NHEJ1: variants seen among roughly 807,000 people sequenced by gnomAD.
NHEJ1 encodes the protein non-homologous end-joining factor 1.
NHEJ1 carries 22 observed loss-of-function variants against 39.4 expected under a neutral mutation model. The observed-to-expected ratio is 0.56, with a 90% CI of 0.40 to 0.80. The LOEUF (loss-of-function observed/expected upper bound fraction) is 0.80, where lower values mean the gene tolerates loss of function less well. NHEJ1 is among the 30% of genes least tolerant of loss of function. The probability of loss-of-function intolerance (pLI) is 0.00; values close to 1 mark genes in which losing one functional copy is unlikely to be tolerated. For missense variants in NHEJ1, 329 were observed against 357.1 expected, an observed-to-expected ratio of 0.92 and a Z score of 0.63; for synonymous variants, 154 against 135.6, an observed-to-expected ratio of 1.14 and a Z score of -0.94.
chr2:219,106,919 T>A (rs1949319217), intron 5 of NHEJ1, among the ~76,000 whole-genome samples: 1 of 152,214 alleles, frequency 6.6e-6, no homozygotes, highest in South Asian at 2.1e-4. Flanking sequence ...CCTCTCAAAC[T>A]GGCATTTGCT....
chr2:219,155,978 G>A (rs374307849), intron 3 of NHEJ1, among the ~76,000 whole-genome samples: 11 of 144,130 alleles, frequency 7.6e-5, no homozygotes, highest in East Asian at 6.4e-4. Flanking sequence ...GGCCGGGTGC[G>A]GTGGCTCACA....
intron 5 of NHEJ1, among the ~76,000 whole-genome samples, chr2:219,094,340 A>G (rs1949187212): frequency 6.6e-6 from 1 of 152,226 alleles, no homozygotes; most frequent in Non-Finnish European, 1.5e-5. Flanking sequence ...CACTCAGAGC[A>G]GGAGTCTGGC....
chr2:219,127,913 C>T (rs897618062), intron 5 of NHEJ1, among the ~76,000 whole-genome samples: 1 of 152,128 alleles, frequency 6.6e-6, no homozygotes, highest in East Asian at 1.9e-4. Flanking sequence ...GAAAATAAAC[C>T]TTTAGTCCAA....
At chr2:219,089,123 C>A (rs1037469866) in intron 5 of NHEJ1, among the ~76,000 whole-genome samples, 1 of 152,140 alleles carries the variant, frequency 6.6e-6, no homozygotes. Context: ...CCAGCCTATA[C>A]TTCAATTTTA....
In NHEJ1 at chr2:219,077,473, T is replaced by C. The variant is rs563180713; in HGVS notation, c.707-109A>G. The C allele has an allele frequency of 4.5e-6, 4 of 893,758 alleles. No individual in the cohort carries two copies. In the African/African-American group the frequency reaches 4.9e-5, roughly 11 times the overall value. The allele number at this position is 893,758 out of a possible 1,614,324, so 55.4% of individuals were successfully genotyped here. ...TAAAGGCCAGGGTTTGGTACAAATATATAAGCAGACAGAAGTAGCCACAAG... is the reference window on the plus strand; with the variant it reads ...TAAAGGCCAGGGTTTGGTACAAATACATAAGCAGACAGAAGTAGCCACAAG... On this transcript the variant is annotated intron_variant, in intron 6 of 7. Transcript: ENST00000356853.
In NHEJ1 at chr2:219,143,838, G is replaced by A. The variant is rs1949712171; in HGVS notation, c.588+2842C>T. On this transcript the variant is annotated intron_variant, in intron 5 of 7. Coordinates refer to ENST00000356853, the MANE Select transcript of NHEJ1 (RefSeq NM_024782.3). ...ACGATGAGCCTCTAATTTTATAAAT[G>A]AGAAGTGATTTATCCAAAGCTGCAA... Among the ~76,000 whole-genome samples, 3 of 152,174 alleles carry A rather than the reference G, an allele frequency of 2.0e-5. No individual in the cohort carries two copies. In the South Asian group the frequency reaches 6.2e-4, roughly 31 times the overall value.
chr2:219,159,526 C>CATATATATGCAT lies in NHEJ1; in HGVS notation c.1-1165_1-1164insATGCATATATAT, dbSNP rs1949894063. On this transcript the variant is annotated intron_variant, in intron 1 of 7. Coordinates refer to ENST00000356853, the MANE Select transcript of NHEJ1 (RefSeq NM_024782.3). ...TGTGACATAACTTTATATATATATG[C>CATATATATGCAT]ATATATATATGCATATATATATATG... Among the ~76,000 whole-genome samples the CATATATATGCAT allele has an allele frequency of 9.5e-5, 4 of 42,106 alleles. 1 individual carries two copies. Among genetic ancestry groups the CATATATATGCAT allele is most frequent in the East Asian group, 8.2e-4 (1 of 1,218 alleles). The allele number at this position is 42,106 out of a possible 152,430, so 27.6% of individuals were successfully genotyped here.
intron 5 of NHEJ1, among the ~76,000 whole-genome samples, chr2:219,139,389 T>G (rs1257688521): frequency 6.6e-6 from 1 of 152,042 alleles, no homozygotes; most frequent in Non-Finnish European, 1.5e-5. Context: ...CACCTGGCCT[T>G]GGTCTTTGTC....
intron 3 of NHEJ1, among the ~76,000 whole-genome samples, chr2:219,150,272 T>C (rs1195021097): frequency 6.6e-6 from 1 of 152,182 alleles, no homozygotes; most frequent in Non-Finnish European, 1.5e-5. Flanking sequence ...GCAGCTTTTG[T>C]ACCAAAACCA....
At chr2:219,146,480 T>G (rs1247399395) in intron 5 of NHEJ1, among the ~76,000 whole-genome samples, 200 bp downstream of exon 5, 2 of 152,216 alleles carry the variant, frequency 1.3e-5, no homozygotes, top group East Asian at 3.8e-4. Context: ...CACTTCCGCC[T>G]CTTACGTTCT....
intron 2 of NHEJ1, 88 bp from the exon 3 acceptor site, chr2:219,157,772 A>G: frequency 9.3e-7 from 1 of 1,079,516 alleles, no homozygotes; most frequent in East Asian, 2.5e-5. Context: ...CCTGGTTAAC[A>G]CGAAGGCAAT....
At chr2:219,090,587 C>T (rs55907735) in intron 5 of NHEJ1, among the ~76,000 whole-genome samples, 6,664 of 152,174 alleles carry the variant, frequency 0.044, 510 homozygotes, top group African/African-American at 0.15. Context: ...ATAATTGTTC[C>T]TCACCTCTAG....
At position 219,147,639 on chromosome 2, in the gene NHEJ1, C is replaced by G. The variant is rs377105168; in HGVS notation, c.529+18G>C. ...TTTTAACACGCCCCACCCAACTCCT[C>G]CAAGAATGTCCTCTTACCTCGAATC... On this transcript the variant is annotated intron_variant, in intron 4 of 7. Transcript: ENST00000356853. 1 of 1,614,122 alleles carries G rather than the reference C, an allele frequency of 6.2e-7. No homozygotes were observed. Among genetic ancestry groups the G allele is most frequent in the Non-Finnish European group, 8.5e-7 (1 of 1,179,968 alleles).
chr2:219,156,162 T>C (rs1435049978), intron 3 of NHEJ1, among the ~76,000 whole-genome samples: 3 of 151,024 alleles, frequency 2.0e-5, no homozygotes, highest in Non-Finnish European at 4.4e-5. Context: ...GGCAGGAGAG[T>C]GGCATGAACC....
intron 1 of NHEJ1, among the ~76,000 whole-genome samples, chr2:219,159,966 A>G (rs927421698): frequency 6.6e-6 from 1 of 152,030 alleles, no homozygotes; most frequent in African/African-American, 2.4e-5. Flanking sequence ...GCCAGGAGTA[A>G]CGGGCCCTAT....
At chr2:219,154,772 T>C (rs867545047) in intron 3 of NHEJ1, among the ~76,000 whole-genome samples, 1 of 151,356 alleles carries the variant, frequency 6.6e-6, no homozygotes, top group Non-Finnish European at 1.5e-5. Flanking sequence ...TCCTAAACAC[T>C]GTTGTCTCTT....
chr2:219,116,251 G>C (rs1949414890), intron 5 of NHEJ1, among the ~76,000 whole-genome samples: 1 of 152,216 alleles, frequency 6.6e-6, no homozygotes, highest in Non-Finnish European at 1.5e-5. Flanking sequence ...GAGAATCTGA[G>C]AACAGCTGAA....
rs1201865871 is a variant in NHEJ1 at position 219,074,723 on chromosome 2, C to G, written c.*1658G>C. On this transcript the variant is annotated 3_prime_UTR_variant, in exon 8 of 8. Coordinates refer to ENST00000356853, the MANE Select transcript of NHEJ1 (RefSeq NM_024782.3). ...TGCGATTGTACTCCAGCCTAGGCAA[C>G]AAGAGCAAGACTCCATTAAAAAAAA... 1.3e-5 allele frequency among the ~76,000 whole-genome samples: 2 copies of G among 148,340 alleles called. No homozygotes were observed. The highest frequency in any genetic ancestry group is 3.0e-5 in the Non-Finnish European group (2 of 67,368).
At chr2:219,149,706 G>C (rs528580172) in intron 3 of NHEJ1, among the ~76,000 whole-genome samples, 5 of 152,316 alleles carry the variant, frequency 3.3e-5, no homozygotes, top group African/African-American at 9.6e-5. Flanking sequence ...TTAAGGAGAT[G>C]AACTAAAGAA....
Sources: allele counts gnomAD v4.1 joint callset (sites outside exome capture counted in the v4.1 genomes callset), GRCh38; gene constraint gnomAD v4.1.1; transcripts MANE v1.5; gene names NCBI Gene and HGNC (gene_info 2026-07-23, HGNC 2026-07-21).